AVEN: variants seen among roughly 807,000 people sequenced by gnomAD.
AVEN encodes cell death regulator Aven.
In AVEN, 41 loss-of-function variants were observed where a neutral mutation model predicts 38.1. The ratio of observed to expected loss-of-function variants is 1.08; its 90% CI spans 0.84 to 1.40. The LOEUF (loss-of-function observed/expected upper bound fraction) is 1.40. AVEN is among the 40% of genes most tolerant of loss of function. The pLI is 0.00. For missense variants in AVEN, 605 were observed against 438.8 expected (o/e 1.38, Z -3.38); for synonymous variants, 206 against 171.8 (o/e 1.20, Z -1.56).
At chr15:33,895,745 T>C (rs1410305070) in intron 2 of AVEN, among the ~76,000 whole-genome samples, 2 of 152,226 alleles carry the variant, frequency 1.3e-5, no homozygotes, top group African/African-American at 4.8e-5. Context: ...ACCCATTATC[T>C]GTATTATATT....
chr15:33,958,103 C>T (rs1045650597), intron 2 of AVEN, among the ~76,000 whole-genome samples: 3 of 152,170 alleles, frequency 2.0e-5, no homozygotes, highest in Non-Finnish European at 2.9e-5. Context: ...CACAGGTGTA[C>T]ATAAATTGTC....
intron 2 of AVEN, among the ~76,000 whole-genome samples, chr15:33,886,859 A>G (rs888475859): frequency 6.6e-5 from 10 of 152,178 alleles, no homozygotes; most frequent in African/African-American, 2.2e-4. Context: ...GGCTCCCCCT[A>G]TTGCTCTGCC....
At chr15:33,935,746 A>G (rs1207650073) in intron 2 of AVEN, among the ~76,000 whole-genome samples, 1 of 152,208 alleles carries the variant, frequency 6.6e-6, no homozygotes, top group Admixed American at 6.5e-5. Flanking sequence ...TCTATACTTC[A>G]TAAGGTATCA....
intron 2 of AVEN, among the ~76,000 whole-genome samples, chr15:33,888,666 T>C (rs531889428): frequency 2.6e-4 from 39 of 152,108 alleles, no homozygotes; most frequent in African/African-American, 9.4e-4. Context: ...TAATGTTTTA[T>C]AGTCAATATA....
chr15:34,056,006 C>A (rs73389935), intron 5 of AVEN, among the ~76,000 whole-genome samples: 1 of 152,058 alleles, frequency 6.6e-6, no homozygotes, highest in Non-Finnish European at 1.5e-5. Flanking sequence ...GTGTGAGCCA[C>A]CACACCCAGC....
chr15:33,917,351 G>GGTGTGTGTGTGT (rs148147589), intron 2 of AVEN, among the ~76,000 whole-genome samples: 133 of 140,348 alleles, frequency 9.5e-4, no homozygotes, highest in African/African-American at 3.2e-3. Flanking sequence ...AAGAAAATGT[G>GGTGTGTGTGTGT]GTGTGTGTGT....
In AVEN at chr15:33,866,748, G is replaced by A. The variant is rs565207210; in HGVS notation, c.974-20C>T. On this transcript the variant is annotated intron_variant, in intron 5 of 5. Coordinates refer to ENST00000306730, the MANE Select transcript of AVEN (RefSeq NM_020371.3). ...CACAAACTGGGGGAAAAAAAACAAT[G>A]TTAACACCCTCAGATGAGTCCTAAA... 23 of 1,551,700 alleles carry A rather than the reference G, an allele frequency of 1.5e-5. No individual in the cohort carries two copies. The African/African-American group carries it at 2.9e-4, about 19-fold the overall frequency.
At chr15:33,855,742 A>G (rs1437396552), downstream of AVEN, 2 of 152,240 alleles carry the variant, frequency 1.3e-5, no homozygotes, top group Admixed American at 1.3e-4. Context: ...TATACATTAT[A>G]TAGTTAATAC....
At chr15:33,952,578 C>G (rs972303201) in intron 2 of AVEN, among the ~76,000 whole-genome samples, 3 of 152,048 alleles carry the variant, frequency 2.0e-5, no homozygotes, top group African/African-American at 7.2e-5. Flanking sequence ...AGTATTACGT[C>G]TTTTTTAAAA....
chr15:33,906,689 T>C (rs1251642910), intron 2 of AVEN, among the ~76,000 whole-genome samples: 5 of 152,138 alleles, frequency 3.3e-5, no homozygotes, highest in East Asian at 1.9e-4. Context: ...GTCAGACTCA[T>C]AGAGACAGAA....
At chr15:33,922,003 C>T (rs1056285233) in intron 2 of AVEN, among the ~76,000 whole-genome samples, 2 of 152,184 alleles carry the variant, frequency 1.3e-5, no homozygotes, top group African/African-American at 2.4e-5. Flanking sequence ...CTGGTCAATT[C>T]TCCTTGTAAA....
upstream of AVEN, among the ~76,000 whole-genome samples, chr15:34,040,034 G>A (rs371872024): frequency 2.6e-5 from 4 of 152,298 alleles, no homozygotes; most frequent in East Asian, 7.7e-4. Context: ...TGTCAGCCTA[G>A]CAGAATAAGT....
intron 5 of AVEN, 76 bp from the exon 6 acceptor site, chr15:33,866,804 C>G: frequency 1.9e-6 from 2 of 1,034,472 alleles, no homozygotes; most frequent in South Asian, 2.8e-5. Flanking sequence ...CAATTTATTA[C>G]TTTCCTTACA....
chr15:33,867,053 T>G (rs1039278417), intron 5 of AVEN, among the ~76,000 whole-genome samples: 1 of 152,164 alleles, frequency 6.6e-6, no homozygotes, highest in African/African-American at 2.4e-5. Context: ...CTTAGGCCCC[T>G]CTACATCAGA....
At chr15:33,958,654 C>A (rs763073198) in intron 2 of AVEN, among the ~76,000 whole-genome samples, 8 of 151,934 alleles carry the variant, frequency 5.3e-5, no homozygotes, top group Non-Finnish European at 1.2e-4. Flanking sequence ...CCCCATACAG[C>A]CAATCACATC....
intron 1 of AVEN, among the ~76,000 whole-genome samples, chr15:34,028,002 C>G (rs718690): frequency 0.27 from 41,028 of 151,976 alleles, 7,210 homozygotes; most frequent in African/African-American, 0.48. Flanking sequence ...CCTCTGGCTG[C>G]CCTTAAGGCT....
intron 2 of AVEN, among the ~76,000 whole-genome samples, chr15:33,988,000 C>T (rs1379894586): frequency 6.6e-6 from 1 of 152,204 alleles, no homozygotes. Flanking sequence ...TGACCAACTT[C>T]CATAGGCCAA....
At chr15:33,855,404 A>G (rs1279606782), downstream of AVEN, among the ~76,000 whole-genome samples, 1 of 152,190 alleles carries the variant, frequency 6.6e-6, no homozygotes, top group African/African-American at 2.4e-5. Flanking sequence ...GGGTTTCACC[A>G]TGTTGGCCAG....
intron 2 of AVEN, among the ~76,000 whole-genome samples, chr15:33,937,847 C>G (rs1291573792): frequency 6.9e-6 from 1 of 145,198 alleles, no homozygotes; most frequent in Admixed American, 7.3e-5. Flanking sequence ...GTCTCCAGAA[C>G]TGTGAGAAAA....
Sources: allele counts gnomAD v4.1 joint callset (sites outside exome capture counted in the v4.1 genomes callset), GRCh38; gene constraint gnomAD v4.1.1; transcripts MANE v1.5; gene names NCBI Gene and HGNC (gene_info 2026-07-23, HGNC 2026-07-21).